SLC14A2: variants seen among roughly 807,000 people sequenced by gnomAD.
SLC14A2 encodes urea transporter 2.
A neutral mutation model predicts 104.6 loss-of-function variants in SLC14A2; 91 were observed. The observed-to-expected ratio is 0.87, with a 90% CI of 0.73 to 1.04. The LOEUF (loss-of-function observed/expected upper bound fraction) is 1.04. SLC14A2 is among the 50% of genes least tolerant of loss of function. The pLI, the probability that SLC14A2 is intolerant of heterozygous loss-of-function variation, is 0.00. For missense variants in SLC14A2, 1,189 were observed against 1,156.0 expected (o/e 1.03, Z -0.41); for synonymous variants, 476 against 466.4 (o/e 1.02, Z -0.27).
the SLC14A2 span, among the ~76,000 whole-genome samples, chr18:45,182,806 A>G: frequency 3.9e-5 from 6 of 152,190 alleles, no homozygotes; most frequent in South Asian, 2.1e-4. Flanking sequence ...GAAATATGCT[A>G]CATTTGTACA....
intron 1 of SLC14A2, among the ~76,000 whole-genome samples, chr18:45,478,825 C>CTTCTT (rs2087436689): frequency 1.3e-5 from 2 of 151,948 alleles, no homozygotes; most frequent in Non-Finnish European, 2.9e-5. Flanking sequence ...TAAAGTGGAA[C>CTTCTT]CTATCTTCTC....
chr18:45,233,510 A>G (rs552596212), intron 1 of SLC14A2, among the ~76,000 whole-genome samples: 1 of 152,128 alleles, frequency 6.6e-6, no homozygotes, highest in Non-Finnish European at 1.5e-5. Flanking sequence ...CCCCTATTTC[A>G]TGGTCTTGCC....
At chr18:45,386,333 A>G (rs1311894844) in intron 1 of SLC14A2, among the ~76,000 whole-genome samples, 1 of 152,194 alleles carries the variant, frequency 6.6e-6, no homozygotes, top group Non-Finnish European at 1.5e-5. Context: ...GGCCAGTACA[A>G]GAACTCAGTT....
At chr18:45,327,552 C>A (rs60633954) in intron 1 of SLC14A2, among the ~76,000 whole-genome samples, 7,013 of 152,254 alleles carry the variant, frequency 0.046, 287 homozygotes, top group African/African-American at 0.11. Flanking sequence ...CTCTGCATTA[C>A]AGTCCCTGGT....
chr18:45,362,293 A>C (rs2085620288), intron 1 of SLC14A2, among the ~76,000 whole-genome samples: 2 of 152,216 alleles, frequency 1.3e-5, no homozygotes. Context: ...AGTTCTTTAC[A>C]GGAGTGTGAA....
chr18:45,362,550 A>C (rs1788045119), intron 1 of SLC14A2, among the ~76,000 whole-genome samples: 1 of 152,228 alleles, frequency 6.6e-6, no homozygotes, highest in South Asian at 2.1e-4. Flanking sequence ...ACATGCCCAG[A>C]GTCACACAAC....
chr18:45,543,318 T>A (rs901413520), intron 2 of SLC14A2, among the ~76,000 whole-genome samples: 61 of 152,128 alleles, frequency 4.0e-4, no homozygotes, highest in African/African-American at 1.4e-3. Flanking sequence ...GGTATCAGGG[T>A]TTTAAGGGAA....
intron 1 of SLC14A2, among the ~76,000 whole-genome samples, chr18:45,329,822 A>G (rs2085271721): frequency 6.6e-6 from 1 of 151,534 alleles, no homozygotes; most frequent in African/African-American, 2.4e-5. Context: ...ACACAAAGAA[A>G]CAAACAAACA....
the SLC14A2 span, among the ~76,000 whole-genome samples, chr18:45,174,647 C>G: frequency 4.6e-5 from 7 of 152,064 alleles, no homozygotes; most frequent in Non-Finnish European, 1.0e-4. Flanking sequence ...CGCTCATGTG[C>G]TTATTAACAG....
chr18:45,399,100 G>T (rs531329994), intron 1 of SLC14A2, among the ~76,000 whole-genome samples: 1 of 152,142 alleles, frequency 6.6e-6, no homozygotes, highest in Admixed American at 6.5e-5. Context: ...TAAATTCTAT[G>T]ATTGCCCCCA....
chr18:45,222,404 G>A (rs912016847), intron 1 of SLC14A2, among the ~76,000 whole-genome samples: 1 of 152,184 alleles, frequency 6.6e-6, no homozygotes, highest in Non-Finnish European at 1.5e-5. Context: ...GGGCTTAAAT[G>A]TGAACAATGG....
intron 1 of SLC14A2, among the ~76,000 whole-genome samples, chr18:45,463,133 G>A (rs1329679060): frequency 2.6e-5 from 4 of 152,110 alleles, no homozygotes; most frequent in Admixed American, 2.6e-4. Flanking sequence ...CTCACATGGT[G>A]GCTCTGCTGT....
chr18:45,198,904 T>G, the SLC14A2 span, among the ~76,000 whole-genome samples: 2 of 152,170 alleles, frequency 1.3e-5, no homozygotes, highest in South Asian at 4.1e-4. Flanking sequence ...CCTATGTATT[T>G]TTATCATCAC....
At chr18:45,307,436 CCAAAAAA>C (rs1568144790) in intron 1 of SLC14A2, among the ~76,000 whole-genome samples, 11 of 103,848 alleles carry the variant, frequency 1.1e-4, no homozygotes, top group Admixed American at 5.3e-4. Flanking sequence ...AAAAAAAAAA[CCAAAAAA>C]CCAAAAAACC....
At chr18:45,528,853 G>A (rs1484194291) in intron 2 of SLC14A2, 1 of 152,190 alleles carries the variant, frequency 6.6e-6, no homozygotes, top group Admixed American at 6.5e-5. Flanking sequence ...TCTGGGGCTG[G>A]CCTCATGACT....
chr18:45,339,721 T>G (rs2085374570), intron 1 of SLC14A2, among the ~76,000 whole-genome samples: 1 of 152,134 alleles, frequency 6.6e-6, no homozygotes, highest in African/African-American at 2.4e-5. Context: ...AAGAGCAGGT[T>G]GTGTGGGCAG....
chr18:45,316,593 C>T (rs771761107), intron 1 of SLC14A2, among the ~76,000 whole-genome samples: 5 of 152,178 alleles, frequency 3.3e-5, no homozygotes, highest in Admixed American at 6.5e-5. Flanking sequence ...ATTTAGACTT[C>T]TCATGATGCG....
intron 13 of SLC14A2, 137 bp downstream of exon 13, chr18:45,667,231 G>A (rs1247490775): frequency 3.6e-5 from 23 of 640,208 alleles, no homozygotes; most frequent in Non-Finnish European, 5.3e-5. Flanking sequence ...GGTCTTTCCT[G>A]GAAGCTGGGA....
intron 10 of SLC14A2, chr18:45,647,997 G>A (rs1415525896): frequency 6.6e-6 from 1 of 151,646 alleles, no homozygotes; most frequent in African/African-American, 2.4e-5. Flanking sequence ...TTATTTTTTT[G>A]TATATGGGGT....
Sources: gnomAD v4.1 joint callset for allele counts (sites outside exome capture counted in the v4.1 genomes callset) on GRCh38, gnomAD v4.1.1 for gene constraint, MANE v1.5 for transcripts, NCBI Gene and HGNC (gene_info 2026-07-23, HGNC 2026-07-21) for gene names.